The following CEPT1 variants were observed in gnomAD, a reference collection of about 807,000 sequenced individuals.
CEPT1 encodes choline/ethanolamine phosphotransferase 1.
A neutral mutation model predicts 42.6 loss-of-function variants in CEPT1; 7 were observed. That is an observed-to-expected ratio of 0.16 (90% confidence interval 0.09 to 0.31). The LOEUF (loss-of-function observed/expected upper bound fraction) is 0.31. CEPT1 is among the 10% of genes least tolerant of loss of function. The pLI, the probability that CEPT1 is intolerant of heterozygous loss-of-function variation, is 1.00. For missense variants in CEPT1, 306 were observed against 502.1 expected, an observed-to-expected ratio of 0.61 and a Z score of 3.73; for synonymous variants, 171 against 171.9, an observed-to-expected ratio of 0.99 and a Z score of 0.04.
chr1:111,163,334 T>G (rs1221757457), intron 4 of CEPT1, among the ~76,000 whole-genome samples: 1 of 152,216 alleles, frequency 6.6e-6, no homozygotes, highest in Non-Finnish European at 1.5e-5. Flanking sequence ...ATAATGTTCA[T>G]AGAAATGTGC....
intron 1 of CEPT1, among the ~76,000 whole-genome samples, chr1:111,145,027 T>A (rs971945135): frequency 6.6e-6 from 1 of 152,186 alleles, no homozygotes; most frequent in African/African-American, 2.4e-5. Context: ...TAATTTTTTT[T>A]TTTTTTAAGA....
intron 4 of CEPT1, among the ~76,000 whole-genome samples, chr1:111,174,144 A>C (rs1441021948): frequency 6.6e-6 from 1 of 152,154 alleles, no homozygotes; most frequent in Non-Finnish European, 1.5e-5. Context: ...AAAACAGCAT[A>C]TGTTTTGCTT....
chr1:111,152,125 T>A (rs1316416895), intron 2 of CEPT1, among the ~76,000 whole-genome samples: 1 of 152,158 alleles, frequency 6.6e-6, no homozygotes, highest in Non-Finnish European at 1.5e-5. Flanking sequence ...CAGATTTCAA[T>A]ATAACTTTTT....
chr1:111,161,160 G>T lies in CEPT1; in HGVS notation c.493G>T (p.Val165Leu). The change falls in exon 4 of 9, where the codon GTG becomes TTG. Residue 165 changes from valine to leucine, a missense_variant. Val to Leu is a conservative substitution (Grantham distance 32, BLOSUM62 1). This residue lies in a region of CEPT1 where 253 missense variants were observed against 447.3 expected (regional missense o/e 0.57). Transcript: ENST00000357172. ...TCGTGATCTTTCTTCTGCAGTTTTT[G>T]TGGTTCTTGGAACTTGTATTGCAGT... ...HGCDSLSTVF[V>L]VLGTCIAVQL... 6.2e-7 allele frequency: 1 copy of T among 1,613,884 alleles called. No individual in the cohort carries two copies. The highest frequency in any genetic ancestry group is 8.5e-7 in the Non-Finnish European group (1 of 1,179,924).
chr1:111,174,017 A>AT (rs1656552330), intron 4 of CEPT1, among the ~76,000 whole-genome samples: 1 of 152,148 alleles, frequency 6.6e-6, no homozygotes, highest in Non-Finnish European at 1.5e-5. Flanking sequence ...TACAAACATC[A>AT]TTTTGTGCAA....
chr1:111,158,623 A>G (rs1655697633), intron 2 of CEPT1, among the ~76,000 whole-genome samples: 1 of 152,212 alleles, frequency 6.6e-6, no homozygotes, highest in African/African-American at 2.4e-5. Context: ...ATTAAGGACT[A>G]GAAGAAGTCC....
Position 111,142,361 on chromosome 1 carries a change from C to T in CEPT1, c.-74+2054C>T, listed in dbSNP as rs147105804. ...ATTCATAACTTAGCTGTTTCTGAGACCCCACCCTCCCCTTTTTGAGTTTCT... is the reference window on the plus strand; with the variant it reads ...ATTCATAACTTAGCTGTTTCTGAGATCCCACCCTCCCCTTTTTGAGTTTCT... On this transcript the variant is annotated intron_variant, in intron 1 of 8. Coordinates refer to ENST00000357172, the MANE Select transcript of CEPT1 (RefSeq NM_006090.5). 4.8e-3 allele frequency among the ~76,000 whole-genome samples: 727 copies of T among 152,234 alleles called. 6 individuals are homozygous for T. Among genetic ancestry groups the T allele is most frequent in the African/African-American group, 0.016 (678 of 41,522 alleles).
chr1:111,167,860 T>C, intron 4 of CEPT1: 4 of 672,846 alleles, frequency 5.9e-6, no homozygotes, highest in Non-Finnish European at 7.3e-6. Context: ...CATATTTCTC[T>C]AATGTACTGC....
intron 4 of CEPT1, among the ~76,000 whole-genome samples, chr1:111,166,393 C>T (rs75469454): frequency 0.03 from 4,591 of 152,150 alleles, 232 homozygotes; most frequent in African/African-American, 0.1. Context: ...GTTTTACTTA[C>T]TTTTATCACT....
intron 5 of CEPT1, chr1:111,180,159 G>T (rs778767284): frequency 1.3e-5 from 2 of 152,156 alleles, no homozygotes; most frequent in Non-Finnish European, 2.9e-5. Context: ...ATTATACAGA[G>T]ATGGTACTCA....
intron 1 of CEPT1, among the ~76,000 whole-genome samples, chr1:111,142,335 C>T (rs1249429955): frequency 1.3e-5 from 2 of 152,160 alleles, no homozygotes; most frequent in African/African-American, 4.8e-5. Context: ...TTGTTGATAG[C>T]ATTCATAACT....
Position 111,155,580 on chromosome 1 carries a change from T to C in CEPT1, c.340-3800T>C, listed in dbSNP as rs113276295. On this transcript the variant is annotated intron_variant, in intron 2 of 8. Transcript: ENST00000357172. ...TTGAGATGGAGTTTTGCTTTTATTG[T>C]CCGGGCTGGAGTGCAATGGCATGAT... is the stretch of plus-strand genomic sequence containing the variant. 6.9e-3 allele frequency among the ~76,000 whole-genome samples: 1,048 copies of C among 151,970 alleles called. 14 individuals are homozygous for C. Among genetic ancestry groups the C allele is most frequent in the African/African-American group, 0.021 (872 of 41,442 alleles).
intron 4 of CEPT1, among the ~76,000 whole-genome samples, chr1:111,169,022 G>A (rs1656282661): frequency 6.6e-6 from 1 of 152,104 alleles, no homozygotes; most frequent in Non-Finnish European, 1.5e-5. Context: ...GTCATTCTAC[G>A]TTACTTATAC....
At chr1:111,145,728 G>T (rs1001803381) in intron 1 of CEPT1, among the ~76,000 whole-genome samples, 1 of 152,172 alleles carries the variant, frequency 6.6e-6, no homozygotes, top group Non-Finnish European at 1.5e-5. Flanking sequence ...CCGGGTCTCA[G>T]TTCAGTGCCT....
chr1:111,166,379 G>T (rs1190330800), intron 4 of CEPT1, among the ~76,000 whole-genome samples: 1 of 152,106 alleles, frequency 6.6e-6, no homozygotes, highest in Non-Finnish European at 1.5e-5. Context: ...TGATTGAACT[G>T]GATGTTTTAC....
At chr1:111,149,294 C>T (rs1250908757) in intron 2 of CEPT1, among the ~76,000 whole-genome samples, 3 of 101,640 alleles carry the variant, frequency 3.0e-5, no homozygotes, top group African/African-American at 1.6e-4. Flanking sequence ...ACAGGGTCTG[C>T]CTTTGTCACC....
intron 2 of CEPT1, among the ~76,000 whole-genome samples, chr1:111,152,232 A>AT (rs988887786): frequency 1.6e-4 from 24 of 151,512 alleles, no homozygotes; most frequent in Non-Finnish European, 2.8e-4. Flanking sequence ...AACTTGTTAG[A>AT]TTTTTTTTTG....
At chr1:111,174,790 A>G in intron 4 of CEPT1, 89 bp from the exon 5 acceptor site, 3 of 810,868 alleles carry the variant, frequency 3.7e-6, no homozygotes, top group Non-Finnish European at 4.3e-6. Flanking sequence ...TCTATTGTGC[A>G]TGATAGAGGA....
chr1:111,151,128 GTTTTTTT>G (rs34545608), intron 2 of CEPT1, among the ~76,000 whole-genome samples: 4 of 135,118 alleles, frequency 3.0e-5, no homozygotes, highest in African/African-American at 1.1e-4. Context: ...TTTTTTGTTT[GTTTTTTT>G]TTTTTTTTGA....
Sources: gnomAD v4.1 joint callset for allele counts (sites outside exome capture counted in the v4.1 genomes callset) on GRCh38, gnomAD v4.1.1 for gene constraint, gnomAD v4.1.1 regional missense constraint, MANE v1.5 for transcripts, NCBI Gene and HGNC (gene_info 2026-07-23, HGNC 2026-07-21) for gene names.